TMEM217B: variants seen among roughly 807,000 people sequenced by gnomAD.
TMEM217B encodes putative transmembrane protein 217B.
chr6:37,254,871 G>T, the TMEM217B span, among the ~76,000 whole-genome samples: 2 of 152,096 alleles, frequency 1.3e-5, no homozygotes, highest in Admixed American at 1.3e-4. Flanking sequence ...TTTTGGGGGA[G>T]GGGGGTTAAA....
the TMEM217B span, among the ~76,000 whole-genome samples, chr6:37,221,217 C>G: frequency 1.3e-5 from 2 of 149,552 alleles, no homozygotes; most frequent in Non-Finnish European, 3.0e-5. Flanking sequence ...GACGGAGTCT[C>G]GCTCTGTCGC....
chr6:37,242,531 A>T, the TMEM217B span, among the ~76,000 whole-genome samples: 4 of 152,214 alleles, frequency 2.6e-5, no homozygotes, highest in African/African-American at 9.6e-5. Context: ...AAAGCCTGTC[A>T]TGCTTTGGTG....
chr6:37,234,380 G>A, the TMEM217B span, among the ~76,000 whole-genome samples: 49 of 152,314 alleles, frequency 3.2e-4, no homozygotes, highest in African/African-American at 1.1e-3. Flanking sequence ...AACTACAGGC[G>A]TGAGCCACCA....
the TMEM217B span, chr6:37,215,250 G>T: frequency 0.021 from 33,260 of 1,613,786 alleles, 399 homozygotes; most frequent in Non-Finnish European, 0.023. Context: ...GCTTGGCACT[G>T]GAGACAGACA....
the TMEM217B span, among the ~76,000 whole-genome samples, chr6:37,226,258 T>G: frequency 6.7e-6 from 1 of 150,148 alleles, no homozygotes; most frequent in African/African-American, 2.5e-5. Context: ...TTGTTTTGTT[T>G]TATTTTGTTT....
At chr6:37,239,141 A>G in the TMEM217B span, among the ~76,000 whole-genome samples, 4 of 152,056 alleles carry the variant, frequency 2.6e-5, no homozygotes, top group African/African-American at 9.7e-5. Context: ...AACAAAAACA[A>G]AAGCCGTATG....
At chr6:37,228,780 A>G in the TMEM217B span, among the ~76,000 whole-genome samples, 4 of 151,744 alleles carry the variant, frequency 2.6e-5, no homozygotes, top group Non-Finnish European at 5.9e-5. Context: ...GGCGGATCAC[A>G]AGGTCAGGAG....
the TMEM217B span, among the ~76,000 whole-genome samples, chr6:37,235,515 G>A: frequency 2.2e-4 from 33 of 152,150 alleles, no homozygotes; most frequent in South Asian, 5.0e-3. Flanking sequence ...ACAGGCACCC[G>A]CCACCACGCC....
chr6:37,216,532 C>T, the TMEM217B span, among the ~76,000 whole-genome samples: 1 of 152,016 alleles, frequency 6.6e-6, no homozygotes, highest in Non-Finnish European at 1.5e-5. Flanking sequence ...GATTTGGGGC[C>T]TGGGGCTGTG....
chr6:37,249,562 C>T, the TMEM217B span, among the ~76,000 whole-genome samples: 1 of 152,168 alleles, frequency 6.6e-6, no homozygotes. Flanking sequence ...CTCAAGTGAT[C>T]CACCCACCTC....
chr6:37,231,226 A>ATTTTTT, the TMEM217B span, among the ~76,000 whole-genome samples: 1 of 87,448 alleles, frequency 1.1e-5, no homozygotes, highest in Non-Finnish European at 2.2e-5. Context: ...TGCCTGGCTA[A>ATTTTTT]TTTTTTTTTT....
At chr6:37,223,601 C>T in the TMEM217B span, among the ~76,000 whole-genome samples, 2 of 152,108 alleles carry the variant, frequency 1.3e-5, no homozygotes, top group African/African-American at 2.4e-5. Context: ...CTCTGCCTCC[C>T]GGGTTCAAGC....
At chr6:37,258,127 C>A in the TMEM217B span, 1 of 828,756 alleles carries the variant, frequency 1.2e-6, no homozygotes, top group Non-Finnish European at 1.8e-6. Context: ...TGTCAGGCAG[C>A]GAAGCGAACA....
chr6:37,252,484 A>G, the TMEM217B span, among the ~76,000 whole-genome samples: 1 of 151,506 alleles, frequency 6.6e-6, no homozygotes, highest in Non-Finnish European at 1.5e-5. Flanking sequence ...TACATAACAT[A>G]CATATACATG....
the TMEM217B span, among the ~76,000 whole-genome samples, chr6:37,243,081 G>A: frequency 6.6e-6 from 1 of 152,056 alleles, no homozygotes; most frequent in Non-Finnish European, 1.5e-5. Context: ...TGCCCACACT[G>A]TGAACACAGT....
chr6:37,249,308 C>T, the TMEM217B span, among the ~76,000 whole-genome samples: 1 of 151,798 alleles, frequency 6.6e-6, no homozygotes, highest in South Asian at 2.1e-4. Context: ...TTTCATTCTT[C>T]TTCTTCTTCT....
chr6:37,257,723 C>T, the TMEM217B span: 98 of 587,192 alleles, frequency 1.7e-4, no homozygotes, highest in Admixed American at 4.1e-4. Context: ...GGCCCGTCCA[C>T]GGCTTGCGCA....
At chr6:37,227,166 C>T in the TMEM217B span, among the ~76,000 whole-genome samples, 1 of 152,162 alleles carries the variant, frequency 6.6e-6, no homozygotes, top group African/African-American at 2.4e-5. Flanking sequence ...TTTGAATCCA[C>T]TGAGCCCAGA....
chr6:37,235,021 G>T, the TMEM217B span, among the ~76,000 whole-genome samples: 6 of 152,130 alleles, frequency 3.9e-5, no homozygotes, highest in Non-Finnish European at 7.3e-5. Context: ...CCTTATGCTG[G>T]TGTGGCTTTT....
Sources: allele counts gnomAD v4.1 joint callset (sites outside exome capture counted in the v4.1 genomes callset), GRCh38; gene constraint gnomAD v4.1.1; transcripts MANE v1.5; gene names NCBI Gene and HGNC (gene_info 2026-07-23, HGNC 2026-07-21).